Variants in GPD1L observed in about 807,000 individuals in gnomAD.
The protein encoded by GPD1L is glycerol-3-phosphate dehydrogenase 1-like protein.
In GPD1L, 17 loss-of-function variants were observed where a neutral mutation model predicts 32.9. The ratio of observed to expected loss-of-function variants is 0.52; its 90% CI spans 0.35 to 0.78. The LOEUF is 0.78. Among genes scored for constraint, GPD1L ranks in the 30% least tolerant of loss-of-function variants. GPD1L has a pLI of 0.01. For missense variants in GPD1L, 361 were observed against 447.8 expected (o/e 0.81, Z 1.75); for synonymous variants, 187 against 165.9 (o/e 1.13, Z -0.98).
chr3:32,142,479 T>A (rs1222428234), intron 4 of GPD1L, among the ~76,000 whole-genome samples: 2 of 152,214 alleles, frequency 1.3e-5, no homozygotes, highest in African/African-American at 2.4e-5. Flanking sequence ...CTGGAAAAAA[T>A]TTATTTATAT....
chr3:32,130,477 C>T (rs1259835420), intron 2 of GPD1L, among the ~76,000 whole-genome samples: 1 of 152,116 alleles, frequency 6.6e-6, no homozygotes, highest in African/African-American at 2.4e-5. Flanking sequence ...GATGTGCTGA[C>T]TTCAGACTGA....
chr3:32,160,251 G>A (rs1229772854), intron 7 of GPD1L, among the ~76,000 whole-genome samples: 2 of 143,472 alleles, frequency 1.4e-5, no homozygotes, highest in African/African-American at 2.6e-5. Flanking sequence ...GGATGAGATA[G>A]ATGGATGGAT....
chr3:32,126,186 TC>T (rs1700504996), intron 1 of GPD1L, among the ~76,000 whole-genome samples: 1 of 152,166 alleles, frequency 6.6e-6, no homozygotes, highest in Admixed American at 6.5e-5. Context: ...CAGAGTGAGA[TC>T]CTGTATCAAT....
Position 32,116,922 on chromosome 3 carries a change from A to G in GPD1L, c.47+10164A>G, listed in dbSNP as rs541780619. On this transcript the variant is annotated intron_variant, in intron 1 of 7. Transcript: ENST00000282541. ...TAATAAGTCTGAGCTTACAGAAGTT[A>G]TGTAATGTGTTCTAAGTTACACAGA... Among the ~76,000 whole-genome samples, 6 of 152,376 alleles carry G rather than the reference A, an allele frequency of 3.9e-5. No homozygotes were observed. In the East Asian group the frequency reaches 1.2e-3, roughly 29 times the overall value.
intron 1 of GPD1L, among the ~76,000 whole-genome samples, chr3:32,126,335 G>A (rs77960950): frequency 3.3e-5 from 5 of 152,216 alleles, no homozygotes. Flanking sequence ...GTGTATTCCA[G>A]TAAGATCATG....
chr3:32,159,110 GTAGCCCCTCA>G lies in GPD1L; in HGVS notation c.852+2_852+11del. 1 of 1,611,062 alleles carries G rather than the reference GTAGCCCCTCA, an allele frequency of 6.2e-7. No homozygotes were observed. Among genetic ancestry groups the G allele is most frequent in the Non-Finnish European group, 8.5e-7 (1 of 1,177,750 alleles). Reference sequence around the variant, plus strand: ...CGAGGCCTTCGCCAGAACTGGGAAGGTAGCCCCTCACCTGCTCTCCCGCACCCCCTCCTTC... The same window carrying G: ...CGAGGCCTTCGCCAGAACTGGGAAGGCCTGCTCTCCCGCACCCCCTCCTTC... On this transcript the variant is annotated splice_donor_variant and splice_donor_5th_base_variant and intron_variant, in intron 6 of 7. Coordinates refer to ENST00000282541, the MANE Select transcript of GPD1L (RefSeq NM_015141.4). LOFTEE classifies it high-confidence loss of function.
intron 1 of GPD1L, among the ~76,000 whole-genome samples, chr3:32,110,203 C>A (rs1178907431): frequency 1.3e-5 from 2 of 152,274 alleles, no homozygotes; most frequent in African/African-American, 2.4e-5. Context: ...CAGGCGTAAG[C>A]CACTGCGCCC....
chr3:32,111,205 C>T (rs1700241167), intron 1 of GPD1L, among the ~76,000 whole-genome samples: 1 of 152,180 alleles, frequency 6.6e-6, no homozygotes, highest in African/African-American at 2.4e-5. Flanking sequence ...GGGAAGATCA[C>T]CCAGACAAAG....
At chr3:32,161,415 A>G (rs1390150280) in intron 7 of GPD1L, among the ~76,000 whole-genome samples, 1 of 152,212 alleles carries the variant, frequency 6.6e-6, no homozygotes, top group Non-Finnish European at 1.5e-5. Context: ...TTACCTACTT[A>G]GCAGCAGACA....
intron 5 of GPD1L, chr3:32,158,529 G>T (rs1166252970): frequency 1.7e-5 from 7 of 404,094 alleles, no homozygotes; most frequent in Non-Finnish European, 2.8e-5. Context: ...GAATGTTATG[G>T]TTGCATAAAG....
intron 5 of GPD1L, among the ~76,000 whole-genome samples, chr3:32,148,739 G>A (rs527488736): frequency 6.6e-6 from 1 of 152,212 alleles, no homozygotes; most frequent in Non-Finnish European, 1.5e-5. Flanking sequence ...TAGTAATCAG[G>A]CAGCATGAAT....
At chr3:32,138,270 T>C (rs1389141052) in intron 2 of GPD1L, among the ~76,000 whole-genome samples, 1 of 151,704 alleles carries the variant, frequency 6.6e-6, no homozygotes, top group African/African-American at 2.4e-5. Context: ...GAGCGGAAAA[T>C]GGATGAGGGG....
At chr3:32,112,306 G>C (rs1225067421) in intron 1 of GPD1L, among the ~76,000 whole-genome samples, 1 of 78,828 alleles carries the variant, frequency 1.3e-5, no homozygotes, top group Non-Finnish European at 2.2e-5. Flanking sequence ...GCAAGACCCT[G>C]TCTCTAAATC....
intron 4 of GPD1L, among the ~76,000 whole-genome samples, chr3:32,144,391 C>G (rs991260877): frequency 6.6e-6 from 1 of 152,176 alleles, no homozygotes; most frequent in Non-Finnish European, 1.5e-5. Context: ...TTTTCAAACC[C>G]TCTTATGTAT....
chr3:32,116,701 G>A (rs1700337642), intron 1 of GPD1L, among the ~76,000 whole-genome samples: 1 of 152,164 alleles, frequency 6.6e-6, no homozygotes, highest in African/African-American at 2.4e-5. Context: ...ACTTGGACTA[G>A]TTACTTCTAC....
intron 2 of GPD1L, among the ~76,000 whole-genome samples, chr3:32,130,162 G>A (rs1025969169): frequency 2.0e-5 from 3 of 152,050 alleles, no homozygotes; most frequent in African/African-American, 4.8e-5. Flanking sequence ...GGAAGGAATC[G>A]ACATAGAGGA....
chr3:32,155,040 C>T (rs938129331), intron 5 of GPD1L, among the ~76,000 whole-genome samples: 1 of 152,198 alleles, frequency 6.6e-6, no homozygotes, highest in Non-Finnish European at 1.5e-5. Context: ...ACCTAAGCTA[C>T]CGTTTTTACC....
intron 5 of GPD1L, 142 bp from the exon 6 acceptor site, chr3:32,158,734 G>A (rs1701031484): frequency 5.3e-6 from 8 of 1,522,868 alleles, no homozygotes; most frequent in Middle Eastern, 2.3e-4. Context: ...AGGTGTACAA[G>A]AGCAGAGCCC....
intron 5 of GPD1L, chr3:32,158,455 G>T: frequency 3.4e-6 from 1 of 292,820 alleles, no homozygotes; most frequent in South Asian, 3.3e-5. Context: ...CTGGCTATGG[G>T]GGTATGCTCA....
Sources: allele counts gnomAD v4.1 joint callset (sites outside exome capture counted in the v4.1 genomes callset), GRCh38; gene constraint gnomAD v4.1.1; transcripts MANE v1.5; gene names NCBI Gene and HGNC (gene_info 2026-07-23, HGNC 2026-07-21).